RBFOX2: variants seen among roughly 807,000 people sequenced by gnomAD.
RBFOX2 encodes the protein RNA binding fox-1 homolog 2.
A neutral mutation model predicts 49.1 loss-of-function variants in RBFOX2; 10 were observed. The observed-to-expected ratio is 0.20, with a 90% confidence interval of 0.13 to 0.35. The LOEUF (loss-of-function observed/expected upper bound fraction) is 0.35, where lower values mean the gene tolerates loss of function less well. Ranked by LOEUF, RBFOX2 falls within the 10% of genes least tolerant of loss-of-function variation. RBFOX2 has a pLI of 1.00. For missense variants in RBFOX2, 323 were observed against 486.9 expected (o/e 0.66, Z 3.17); for synonymous variants, 183 against 187.4 (o/e 0.98, Z 0.19).
At chr22:35,761,748 T>G (rs980101982) in intron 6 of RBFOX2, among the ~76,000 whole-genome samples, 2 of 151,978 alleles carry the variant, frequency 1.3e-5, no homozygotes, top group African/African-American at 4.8e-5. Flanking sequence ...TAAATAGAAA[T>G]AAATCCTAGA....
At chr22:35,894,405 C>T (rs554346615) in intron 1 of RBFOX2, among the ~76,000 whole-genome samples, 54 of 152,138 alleles carry the variant, frequency 3.5e-4, no homozygotes, top group African/African-American at 1.2e-3. Flanking sequence ...ATAATCATGC[C>T]GCCTATTGGC....
At chr22:35,977,722 C>CTATAGATATATATATATATATATA (rs1289842750) in intron 1 of RBFOX2, among the ~76,000 whole-genome samples, 1 of 80,842 alleles carries the variant, frequency 1.2e-5, no homozygotes, top group African/African-American at 4.8e-5. Flanking sequence ...CCTGAATGAA[C>CTATAGATATATATATATATATATA]TATATATATA....
intron 1 of RBFOX2, among the ~76,000 whole-genome samples, chr22:35,936,018 T>A (rs1306973620): frequency 2.0e-5 from 3 of 152,080 alleles, no homozygotes; most frequent in African/African-American, 7.2e-5. Flanking sequence ...TGCAGATGGT[T>A]CTCATCTATT....
In RBFOX2 at chr22:35,929,063, G is replaced by C. The variant is rs539915313; in HGVS notation, c.-34+9784C>G. Among the ~76,000 whole-genome samples, 9 of 152,122 alleles carry C rather than the reference G, an allele frequency of 5.9e-5. No homozygotes were observed. In the South Asian group the frequency reaches 1.9e-3, roughly 32 times the overall value. On this transcript the variant is annotated intron_variant, in intron 1 of 13. Transcript: ENST00000359369. ...TGAGGCAGGAGTTCAAAGCTAAATT[G>C]AACTATGATTGCACCACCACACTCC...
intron 1 of RBFOX2, among the ~76,000 whole-genome samples, chr22:35,857,158 C>A (rs2042608506): frequency 6.6e-6 from 1 of 152,150 alleles, no homozygotes. Context: ...TATGGAAGGA[C>A]TAGGACATCC....
chr22:35,942,266 T>G (rs1253157551), upstream of RBFOX2, among the ~76,000 whole-genome samples: 1 of 152,078 alleles, frequency 6.6e-6, no homozygotes, highest in Non-Finnish European at 1.5e-5. Flanking sequence ...GAAAACACCA[T>G]GAATAGGCAA....
chr22:35,743,601 A>T (rs1490586985), exon 12 of RBFOX2: 2 of 152,480 alleles, frequency 1.3e-5, no homozygotes, highest in Non-Finnish European at 2.9e-5. Flanking sequence ...ACAGGAGGGA[A>T]GAGGAGAGGA....
At chr22:35,743,848 A>C (rs1245512838) in exon 12 of RBFOX2, 1 of 207,850 alleles carries the variant, frequency 4.8e-6, no homozygotes, top group Non-Finnish European at 9.5e-6. Context: ...TCGGCTCCTA[A>C]TGTCTCTCCT....
intron 1 of RBFOX2, among the ~76,000 whole-genome samples, chr22:35,907,846 C>G (rs969445475): frequency 6.6e-6 from 1 of 152,024 alleles, no homozygotes. Context: ...GGGTTTTTGT[C>G]ACATCGGCCA....
chr22:35,936,291 C>T (rs1042310793), intron 1 of RBFOX2, among the ~76,000 whole-genome samples: 1 of 151,136 alleles, frequency 6.6e-6, no homozygotes, highest in Non-Finnish European at 1.5e-5. Context: ...TAAAATTCAC[C>T]TTCACCCCAT....
At chr22:35,865,558 TTTATTA>T (rs1384114111) in intron 1 of RBFOX2, among the ~76,000 whole-genome samples, 2 of 152,152 alleles carry the variant, frequency 1.3e-5, no homozygotes, top group African/African-American at 4.8e-5. Context: ...CTCCCCCATC[TTTATTA>T]TTATTTTTTT....
chr22:35,747,316 G>C (rs1373768609), intron 9 of RBFOX2: 1 of 152,196 alleles, frequency 6.6e-6, no homozygotes, highest in Non-Finnish European at 1.5e-5. Context: ...TCTTTGGCTG[G>C]ATTCAAATAG....
intron 1 of RBFOX2, among the ~76,000 whole-genome samples, chr22:36,018,879 G>C (rs751666730): frequency 3.2e-4 from 49 of 152,136 alleles, no homozygotes; most frequent in Non-Finnish European, 8.8e-5. Flanking sequence ...CTCCCAAAGT[G>C]CTGGGATTAC....
intron 1 of RBFOX2, among the ~76,000 whole-genome samples, chr22:35,847,085 T>G (rs1044397634): frequency 6.6e-6 from 1 of 152,212 alleles, no homozygotes; most frequent in Non-Finnish European, 1.5e-5. Context: ...GTTTCTTAAA[T>G]AGATTTGTCT....
chr22:35,881,490 G>A (rs1220333672), intron 1 of RBFOX2, among the ~76,000 whole-genome samples: 2 of 151,488 alleles, frequency 1.3e-5, no homozygotes, highest in Admixed American at 6.6e-5. Flanking sequence ...GCTAAGGAAG[G>A]AGGATAGCTT....
chr22:35,835,709 TGTGATTAGGGG>T (rs755353971), intron 1 of RBFOX2, among the ~76,000 whole-genome samples: 5 of 152,078 alleles, frequency 3.3e-5, no homozygotes, highest in Non-Finnish European at 7.4e-5. Flanking sequence ...GAAAAGTGTG[TGTGATTAGGGG>T]GTGACTAAGA....
chr22:36,013,751 C>T (rs1478728696), intron 1 of RBFOX2, among the ~76,000 whole-genome samples: 1 of 150,506 alleles, frequency 6.6e-6, no homozygotes, highest in African/African-American at 2.5e-5. Context: ...AAGCAAGGAG[C>T]AAAAAATACA....
intron 1 of RBFOX2, among the ~76,000 whole-genome samples, chr22:35,947,438 T>C (rs1001983214): frequency 2.0e-5 from 3 of 151,636 alleles, no homozygotes; most frequent in Non-Finnish European, 4.4e-5. Context: ...TAGAGTGTGC[T>C]CCTTCTACTT....
At chr22:35,906,118 C>T (rs1402301461) in intron 1 of RBFOX2, among the ~76,000 whole-genome samples, 1 of 152,034 alleles carries the variant, frequency 6.6e-6, no homozygotes, top group Non-Finnish European at 1.5e-5. Flanking sequence ...TATCATTAAG[C>T]CATGCATACC....
Sources: gnomAD v4.1 joint callset for allele counts (sites outside exome capture counted in the v4.1 genomes callset) on GRCh38, gnomAD v4.1.1 for gene constraint, MANE v1.5 for transcripts, NCBI Gene and HGNC (gene_info 2026-07-23, HGNC 2026-07-21) for gene names.